Variants in MPDZ observed in about 807,000 individuals in gnomAD.
The protein encoded by MPDZ is multiple PDZ domain protein.
MPDZ carries 234 observed loss-of-function variants against 239.1 expected under a neutral mutation model. That is an observed-to-expected ratio of 0.98 (90% CI 0.88 to 1.09). The LOEUF (loss-of-function observed/expected upper bound fraction) is 1.09, where lower values mean the gene tolerates loss of function less well. MPDZ is among the 50% of genes least tolerant of loss of function. The pLI is 0.00. For missense variants in MPDZ, 3,175 were observed against 2,510.0 expected, an observed-to-expected ratio of 1.26 and a Z score of -5.66; for synonymous variants, 1,048 against 881.3, an observed-to-expected ratio of 1.19 and a Z score of -3.35.
At chr9:13,164,037 T>C (rs1324738529) in intron 22 of MPDZ, among the ~76,000 whole-genome samples, 5 of 152,194 alleles carry the variant, frequency 3.3e-5, no homozygotes, top group African/African-American at 7.2e-5. Context: ...ATGTCACTTT[T>C]GTGAAGCTAC....
intron 39 of MPDZ, among the ~76,000 whole-genome samples, chr9:13,115,869 T>C (rs573024160): frequency 3.6e-4 from 50 of 137,492 alleles, no homozygotes; most frequent in Admixed American, 2.2e-3. Flanking sequence ...GGCGTGAACC[T>C]GGGAGGCGGA....
chr9:13,165,382 C>T lies in MPDZ; in HGVS notation c.3255-2587G>A, dbSNP rs900063907. Reference sequence around the variant, plus strand: ...TGATACTCACACATAAAAGGGGGCTCGATCGTCAGCAGGTGCTGCAGAAAA... The same window carrying T: ...TGATACTCACACATAAAAGGGGGCTTGATCGTCAGCAGGTGCTGCAGAAAA... On this transcript the variant is annotated intron_variant, in intron 22 of 46. Transcript: ENST00000319217. 6.5e-6 allele frequency: 10 copies of T among 1,549,360 alleles called. No homozygotes were observed. The South Asian group carries it at 7.2e-5, about 11-fold the overall frequency.
At chr9:13,187,806 G>C (rs1221096061) in intron 17 of MPDZ, among the ~76,000 whole-genome samples, 1 of 148,538 alleles carries the variant, frequency 6.7e-6, no homozygotes, top group African/African-American at 2.5e-5. Context: ...CACAAATATT[G>C]AGAACATCTC....
At chr9:13,191,581 G>C (rs887585352) in intron 15 of MPDZ, among the ~76,000 whole-genome samples, 1 of 152,096 alleles carries the variant, frequency 6.6e-6, no homozygotes, top group Non-Finnish European at 1.5e-5. Flanking sequence ...ATTTTAAAAG[G>C]ATAGTATGTA....
At chr9:13,175,661 A>T in intron 21 of MPDZ, 91 bp downstream of exon 21, 2 of 1,313,160 alleles carry the variant, frequency 1.5e-6, no homozygotes, top group Admixed American at 2.3e-5. Flanking sequence ...TCTCTTATCT[A>T]CAGCATAAAA....
chr9:13,206,108 A>C lies in MPDZ; in HGVS notation c.1291-9T>G. ...AGGTTTGTGCCATCTACCTGTGATT[A>C]AAAAAAAAAAAAAGCATGTTACATG... On this transcript the variant is annotated splice_polypyrimidine_tract_variant and intron_variant, in intron 10 of 46. Coordinates refer to ENST00000319217, the MANE Select transcript of MPDZ (RefSeq NM_001378778.1). 1 of 181,812 alleles carries C rather than the reference A, an allele frequency of 5.5e-6. No individual in the cohort carries two copies. 11.3% of individuals were successfully genotyped at this position (181,812 alleles called of 1,614,324 possible). A position where few individuals can be genotyped will look rare whatever the true frequency, so the allele number is the denominator to read the frequency against.
chr9:13,131,353 C>A (rs1245376807), intron 32 of MPDZ, among the ~76,000 whole-genome samples: 2 of 152,172 alleles, frequency 1.3e-5, no homozygotes, highest in African/African-American at 4.8e-5. Context: ...TAATAACTCA[C>A]ACTGTGGTAA....
intron 18 of MPDZ, among the ~76,000 whole-genome samples, chr9:13,185,199 T>C (rs1953930854): frequency 6.6e-6 from 1 of 151,992 alleles, no homozygotes; most frequent in Admixed American, 6.6e-5. Flanking sequence ...ATGTTAAGTA[T>C]TACAGTGTGA....
At chr9:13,240,616 T>C (rs907360129) in intron 3 of MPDZ, among the ~76,000 whole-genome samples, 8 of 138,722 alleles carry the variant, frequency 5.8e-5, no homozygotes, top group Admixed American at 4.4e-4. Flanking sequence ...AAAGACTGGC[T>C]TCAGGGTTAG....
intron 11 of MPDZ, among the ~76,000 whole-genome samples, 169 bp from the exon 12 acceptor site, chr9:13,205,276 T>C (rs749647104): frequency 1.3e-5 from 2 of 152,312 alleles, no homozygotes; most frequent in Admixed American, 6.5e-5. Context: ...TGGAAAAGAA[T>C]ACATTTCTCC....
At chr9:13,169,656 A>C (rs536233271) in intron 21 of MPDZ, among the ~76,000 whole-genome samples, 40 of 151,030 alleles carry the variant, frequency 2.6e-4, no homozygotes, top group Non-Finnish European at 5.3e-4. Flanking sequence ...AGGCCATTAC[A>C]AAAAAAAAGA....
intron 1 of MPDZ, chr9:13,274,742 C>T (rs970583456): frequency 2.6e-5 from 4 of 151,814 alleles, no homozygotes; most frequent in Admixed American, 1.3e-4. Context: ...CCACAAAACA[C>T]GTATAAGACA....
At position 13,206,107 on chromosome 9, in the gene MPDZ, TAAAAA is replaced by T. The variant is rs368811859; in HGVS notation, c.1291-13_1291-9del. Reference sequence around the variant, plus strand: ...AAGGTTTGTGCCATCTACCTGTGATTAAAAAAAAAAAAAAGCATGTTACATGTTAA... The same window carrying T: ...AAGGTTTGTGCCATCTACCTGTGATTAAAAAAAAAGCATGTTACATGTTAA... On this transcript the variant is annotated splice_polypyrimidine_tract_variant and intron_variant, in intron 10 of 46. Transcript: ENST00000319217. 1 of 1,414,518 alleles carries T rather than the reference TAAAAA, an allele frequency of 7.1e-7. No individual in the cohort carries two copies. Among genetic ancestry groups the T allele is most frequent in the Admixed American group, 2.5e-5 (1 of 39,684 alleles). 87.6% of individuals were successfully genotyped at this position (1,414,518 alleles called of 1,614,324 possible).
intron 12 of MPDZ, among the ~76,000 whole-genome samples, chr9:13,202,983 G>T (rs146893629): frequency 6.6e-6 from 1 of 152,040 alleles, no homozygotes; most frequent in East Asian, 1.9e-4. Flanking sequence ...TCAATTTACT[G>T]CATATTTTCA....
intron 46 of MPDZ, among the ~76,000 whole-genome samples, chr9:13,108,545 A>G (rs1459454973): frequency 1.3e-5 from 2 of 152,110 alleles, no homozygotes; most frequent in Non-Finnish European, 2.9e-5. Flanking sequence ...CTCTATAACT[A>G]TTTTATATTT....
At chr9:13,144,391 T>C (rs1288409203) in intron 26 of MPDZ, among the ~76,000 whole-genome samples, 1 of 152,034 alleles carries the variant, frequency 6.6e-6, no homozygotes, top group Non-Finnish European at 1.5e-5. Context: ...GACTGCCAGA[T>C]AGAATTTAGC....
intron 23 of MPDZ, among the ~76,000 whole-genome samples, chr9:13,160,714 T>C (rs556332573): frequency 6.6e-6 from 1 of 151,030 alleles, no homozygotes; most frequent in South Asian, 2.1e-4. Context: ...CCTCGTATCC[T>C]TGGGTCCAAC....
rs376547392 is a variant in MPDZ at position 13,127,264 on chromosome 9, G to A, written c.4465-492C>T. ...ACTGATGCAGACTCTGTCCTTTTGG[G>A]GGGTGAACACTCAGACTTGTTTCTC... is the stretch of plus-strand genomic sequence containing the variant. On this transcript the variant is annotated intron_variant, in intron 32 of 46. Coordinates refer to ENST00000319217, the MANE Select transcript of MPDZ (RefSeq NM_001378778.1). 2.0e-5 allele frequency among the ~76,000 whole-genome samples: 3 copies of A among 152,234 alleles called. No individual in the cohort carries two copies. In the South Asian group the frequency reaches 6.2e-4, roughly 32 times the overall value.
chr9:13,121,736 C>T lies in MPDZ; in HGVS notation c.5231+3G>A, dbSNP rs757335445. The stretch of plus-strand genomic sequence containing the variant: ...GCATTGGGTTTGTCCTCCTCAATCA[C>T]ACCTTTTACCAACAATACTTAATCC... On this transcript the variant is annotated splice_donor_region_variant and intron_variant, in intron 38 of 46. Coordinates refer to ENST00000319217, the MANE Select transcript of MPDZ (RefSeq NM_001378778.1). 3.7e-6 allele frequency: 6 copies of T among 1,613,834 alleles called. No homozygotes were observed. The South Asian group carries it at 5.5e-5, about 15-fold the overall frequency.
Sources: allele counts gnomAD v4.1 joint callset (sites outside exome capture counted in the v4.1 genomes callset), GRCh38; gene constraint gnomAD v4.1.1; transcripts MANE v1.5; gene names NCBI Gene and HGNC (gene_info 2026-07-23, HGNC 2026-07-21).